SCN10A: variants seen among roughly 807,000 people sequenced by gnomAD.
The protein encoded by SCN10A is sodium channel protein type 10 subunit alpha.
A neutral mutation model predicts 170.7 loss-of-function variants in SCN10A; 162 were observed. That is an observed-to-expected ratio of 0.95 (90% CI 0.84 to 1.08). The LOEUF (loss-of-function observed/expected upper bound fraction) is 1.08. Ranked by LOEUF, SCN10A falls within the 50% of genes least tolerant of loss-of-function variation. SCN10A has a pLI of 0.00. For synonymous variants in SCN10A, 985 were observed against 904.6 expected, an observed-to-expected ratio of 1.09 and a Z score of -1.59; for missense variants, 2,527 against 2,436.9, an observed-to-expected ratio of 1.04 and a Z score of -0.78.
intron 2 of SCN10A, among the ~76,000 whole-genome samples, chr3:38,792,471 CA>C (rs748061016): frequency 6.6e-6 from 1 of 152,146 alleles, no homozygotes; most frequent in Non-Finnish European, 1.5e-5. Context: ...GTGTTATGCC[CA>C]GGGGAGGACT....
At chr3:38,742,633 C>A (rs977119352) in intron 13 of SCN10A, 104 bp from the exon 14 acceptor site, 1 of 842,868 alleles carries the variant, frequency 1.2e-6, no homozygotes, top group South Asian at 1.5e-5. Context: ...AGTACCACCT[C>A]CAACATTTTG....
intron 4 of SCN10A, among the ~76,000 whole-genome samples, chr3:38,780,864 A>G (rs2064130831): frequency 6.6e-6 from 1 of 152,100 alleles, no homozygotes; most frequent in Non-Finnish European, 1.5e-5. Context: ...AGTTTTGCAA[A>G]GGAGATGAGA....
At chr3:38,786,153 A>T (rs1356123454) in intron 4 of SCN10A, among the ~76,000 whole-genome samples, 1 of 152,186 alleles carries the variant, frequency 6.6e-6, no homozygotes, top group Non-Finnish European at 1.5e-5. Context: ...ATTATAAATT[A>T]TTCTACTATA....
chr3:38,743,253 G>A (rs1279787655), intron 13 of SCN10A, among the ~76,000 whole-genome samples: 1 of 126,516 alleles, frequency 7.9e-6, no homozygotes, highest in Non-Finnish European at 1.6e-5. Flanking sequence ...AGTCCACCTG[G>A]TATTCTGTCT....
intron 8 of SCN10A, among the ~76,000 whole-genome samples, chr3:38,758,004 G>A (rs72867808): frequency 0.095 from 14,464 of 152,192 alleles, 1,199 homozygotes; most frequent in African/African-American, 0.21. Flanking sequence ...CTCGTTTGAA[G>A]TCCAGAATTA....
In SCN10A at chr3:38,698,159, G is replaced by T. The variant is rs2063116149; in HGVS notation, c.5061C>A (p.Gly1687=). Reference sequence around the variant, plus strand: ...CTGGGCTCCCACAGTCCCCTCTGGTGCCATTGCTGTTGGGCAGATTGGGGT... The same window carrying T: ...CTGGGCTCCCACAGTCCCCTCTGGTTCCATTGCTGTTGGGCAGATTGGGGT... ...YCDPNLPNSN[G]TRGDCGSPAV... is the part of the protein sequence containing the mutation. Residue 1687 remains glycine (G), a synonymous_variant, in exon 28 of 28, where the codon GGC becomes GGA. Transcript: ENST00000449082. 6.2e-7 allele frequency: 1 copy of T among 1,614,158 alleles called. No homozygotes were observed. Among genetic ancestry groups the T allele is most frequent in the Non-Finnish European group, 8.5e-7 (1 of 1,180,016 alleles).
intron 17 of SCN10A, among the ~76,000 whole-genome samples, chr3:38,725,691 A>G (rs1365543138): frequency 6.6e-6 from 1 of 152,282 alleles, no homozygotes; most frequent in Non-Finnish European, 1.5e-5. Flanking sequence ...GATTTTAGCC[A>G]TGACCATTGT....
At chr3:38,767,030 G>A (rs990199078) in intron 5 of SCN10A, among the ~76,000 whole-genome samples, 1 of 148,926 alleles carries the variant, frequency 6.7e-6, no homozygotes, top group Non-Finnish European at 1.5e-5. Context: ...GGTGTTCATA[G>A]TAGCCTTGAA....
chr3:38,740,564 TG>T (rs932859012), intron 14 of SCN10A, among the ~76,000 whole-genome samples: 1 of 152,066 alleles, frequency 6.6e-6, no homozygotes, highest in East Asian at 1.9e-4. Context: ...TGTGGTGTGG[TG>T]GGGGGTAGGG....
chr3:38,787,163 G>A (rs2064215371), intron 4 of SCN10A, among the ~76,000 whole-genome samples: 1 of 151,988 alleles, frequency 6.6e-6, no homozygotes, highest in East Asian at 1.9e-4. Flanking sequence ...CTGAGAACAT[G>A]TCTCCCCACT....
At chr3:38,727,080 T>A (rs1229563461) in intron 16 of SCN10A, 28 bp from the exon 17 acceptor site, 1 of 1,584,212 alleles carries the variant, frequency 6.3e-7, no homozygotes, top group Non-Finnish European at 8.6e-7. Context: ...AAGGGAAGAT[T>A]GATCAATCTC....
rs1253356575 is a variant in SCN10A, at chr3:38,742,637, C to G, written c.1868-108G>C. 3.7e-6 allele frequency: 3 copies of G among 812,180 alleles called. No homozygotes were observed. The East Asian group carries it at 7.3e-5, about 20-fold the overall frequency. The allele number at this position is 812,180 out of a possible 1,614,324, so 50.3% of individuals were successfully genotyped here. On this transcript the variant is annotated intron_variant, in intron 13 of 27. Transcript: ENST00000449082. ...TGTTAATAATAAGTACCACCTCCAACATTTTGACTTCAGCCCTCTCTCTGT... is the reference window on the plus strand; with the variant it reads ...TGTTAATAATAAGTACCACCTCCAAGATTTTGACTTCAGCCCTCTCTCTGT...
chr3:38,778,429 G>T (rs1165513894), intron 4 of SCN10A, among the ~76,000 whole-genome samples: 1 of 151,774 alleles, frequency 6.6e-6, no homozygotes, highest in Non-Finnish European at 1.5e-5. Flanking sequence ...ATCTGAGGAA[G>T]AACCTCTAGT....
Position 38,697,902 on chromosome 3 carries a change from C to T in SCN10A, c.5318G>A (p.Gly1773Asp). The change falls in exon 28 of 28, where the codon GGT becomes GAT. Residue 1773 changes from glycine (G) to aspartate (D), a missense_variant. Transcript: ENST00000449082. ...ATTGGGTTTTGGGATTCTCAGGGGA[C>T]CAGAGAGAGTGTCTGCAAAGTCCGA... ...ALSDFADTLS[G>D]PLRIPKPNRN... 1 of 1,613,932 alleles carries T rather than the reference C, an allele frequency of 6.2e-7. No homozygotes were observed. The highest frequency in any genetic ancestry group is 8.5e-7 in the Non-Finnish European group (1 of 1,180,024).
chr3:38,789,265 T>C (rs2064249193), intron 3 of SCN10A, among the ~76,000 whole-genome samples: 1 of 152,178 alleles, frequency 6.6e-6, no homozygotes, highest in African/African-American at 2.4e-5. Context: ...TATCTACATT[T>C]TGAAGCTGAG....
chr3:38,807,460 C>T (rs1423601686), intron 1 of SCN10A, among the ~76,000 whole-genome samples: 3 of 152,134 alleles, frequency 2.0e-5, no homozygotes, highest in South Asian at 2.1e-4. Context: ...GCTGACAATT[C>T]CAGATAAACT....
chr3:38,790,793 T>C (rs1330726035), intron 3 of SCN10A, among the ~76,000 whole-genome samples: 1 of 152,120 alleles, frequency 6.6e-6, no homozygotes, highest in Non-Finnish European at 1.5e-5. Context: ...GGGATGGTAA[T>C]CTCTACTTCA....
intron 25 of SCN10A, 27 bp downstream of exon 25, chr3:38,709,451 A>C (rs2063247294): frequency 6.3e-7 from 1 of 1,588,864 alleles, no homozygotes; most frequent in Non-Finnish European, 8.6e-7. Flanking sequence ...CTACAGCAGA[A>C]ACCAGAAACT....
Position 38,760,653 on chromosome 3 carries a change from C to T in SCN10A, c.950+28G>A, listed in dbSNP as rs750599889. On this transcript the variant is annotated intron_variant, in intron 8 of 27. Coordinates refer to ENST00000449082, the MANE Select transcript of SCN10A (RefSeq NM_006514.4). ...GATGGAGAAGGAATTGTTGGGCACT[C>T]GTGCTTTGTCATAAGTTGGGAACTC... 43 of 1,585,718 alleles carry T rather than the reference C, an allele frequency of 2.7e-5. 1 individual carries two copies. In the South Asian group the frequency reaches 3.8e-4, roughly 14 times the overall value.
Sources: gnomAD v4.1 joint callset for allele counts (sites outside exome capture counted in the v4.1 genomes callset) on GRCh38, gnomAD v4.1.1 for gene constraint, MANE v1.5 for transcripts, NCBI Gene and HGNC (gene_info 2026-07-23, HGNC 2026-07-21) for gene names.